Variants in LIN9 observed in about 807,000 individuals in gnomAD.
The protein encoded by LIN9 is protein lin-9 homolog.
A neutral mutation model predicts 78.0 loss-of-function variants in LIN9; 18 were observed. The observed-to-expected ratio is 0.23, with a 90% CI of 0.16 to 0.34. LIN9 has a LOEUF of 0.34. LIN9 is among the 10% of genes least tolerant of loss of function. LIN9 has a pLI of 1.00. For missense variants in LIN9, 451 were observed against 644.1 expected, an observed-to-expected ratio of 0.70 and a Z score of 3.25; for synonymous variants, 192 against 215.2, an observed-to-expected ratio of 0.89 and a Z score of 0.94.
At chr1:226,235,294 C>G (rs943860568) in intron 12 of LIN9, among the ~76,000 whole-genome samples, 1 of 127,910 alleles carries the variant, frequency 7.8e-6, no homozygotes, top group African/African-American at 2.9e-5. Context: ...TGTACTCCAG[C>G]CTGGTGGACA....
intron 7 of LIN9, among the ~76,000 whole-genome samples, chr1:226,271,496 G>A (rs1428426583): frequency 6.6e-6 from 1 of 152,112 alleles, no homozygotes; most frequent in African/African-American, 2.4e-5. Flanking sequence ...TTTTTAATGG[G>A]CCAGTATATG....
intron 7 of LIN9, among the ~76,000 whole-genome samples, chr1:226,268,647 C>T (rs1318286006): frequency 6.6e-6 from 1 of 152,150 alleles, no homozygotes; most frequent in Non-Finnish European, 1.5e-5. Flanking sequence ...CACCTGCTTT[C>T]CCTCTGGAAG....
chr1:226,265,550 C>T lies in LIN9; in HGVS notation c.1021G>A (p.Glu341Lys). 1 of 1,605,750 alleles carries T rather than the reference C, an allele frequency of 6.2e-7. No individual in the cohort carries two copies. The highest frequency in any genetic ancestry group is 2.2e-5 in the East Asian group (1 of 44,770). Residue 341 changes from glutamate (E) to lysine (K), a missense_variant, in exon 10 of 15, where the codon GAA becomes AAA. By Grantham distance (56) the Glu-to-Lys change is moderately conservative. Coordinates refer to ENST00000681046, the MANE Select transcript of LIN9 (RefSeq NM_001366245.2). The surrounding 1 kb of genome is among the most constrained non-coding windows in gnomAD (Gnocchi z 4.1). Reference protein sequence around the residue: ...DTETLGGFPVEFLIQVTRLSK... With the variant: ...DTETLGGFPVKFLIQVTRLSK... The stretch of plus-strand genomic sequence containing the variant: ...ATTCTTACCACTTGGATAAGAAATT[C>T]TACTGGAAAACCACCTAATGTTTCA...
rs1293508133 is a variant in LIN9, at chr1:226,262,519, A to G, written c.1038+3014T>C. ...GAAGATATACAGATGGCAGATAAGC[A>G]TATGAAAAGATGGTCAATGAGGAAA... On this transcript the variant is annotated intron_variant, in intron 10 of 14. Coordinates refer to ENST00000681046, the MANE Select transcript of LIN9 (RefSeq NM_001366245.2). 2.0e-5 allele frequency among the ~76,000 whole-genome samples: 3 copies of G among 152,240 alleles called. No homozygotes were observed. The East Asian group carries it at 5.8e-4, about 29-fold the overall frequency.
chr1:226,287,893 A>C, intron 4 of LIN9, 96 bp from the exon 5 acceptor site: 1 of 827,824 alleles, frequency 1.2e-6, no homozygotes, highest in Non-Finnish European at 1.9e-6. Flanking sequence ...AATTATGTTT[A>C]AGTACTTAAA....
intron 1 of LIN9, 47 bp from the exon 2 acceptor site, chr1:226,301,252 TGAGA>T (rs1232162828): frequency 6.7e-7 from 1 of 1,484,186 alleles, no homozygotes; most frequent in South Asian, 1.2e-5. Flanking sequence ...ATAACCAAAG[TGAGA>T]GAAAAAGACC....
chr1:226,231,229 A>G lies in LIN9; in HGVS notation c.*1272T>C, dbSNP rs910666506. 1.3e-5 allele frequency: 2 copies of G among 152,654 alleles called. No individual in the cohort carries two copies. The highest frequency in any genetic ancestry group is 2.9e-5 in the Non-Finnish European group (2 of 68,028). 9.5% of individuals were successfully genotyped at this position (152,654 alleles called of 1,614,324 possible). A position where few individuals can be genotyped will look rare whatever the true frequency, so the allele number is the denominator to read the frequency against. ...AAGATTTATGCATTTCTTAATTAAC[A>G]TAACAGTTTAGCTAAATATAAACTC... On this transcript the variant is annotated 3_prime_UTR_variant, in exon 15 of 15. Transcript: ENST00000681046.
At chr1:226,286,214 T>C (rs1406559541) in intron 6 of LIN9, 119 bp downstream of exon 6, 4 of 1,019,446 alleles carry the variant, frequency 3.9e-6, no homozygotes, top group Admixed American at 2.7e-5. Flanking sequence ...ACTACAGCCC[T>C]GAACCCCTGG....
At chr1:226,274,622 A>T (rs1385179062) in intron 7 of LIN9, among the ~76,000 whole-genome samples, 1 of 151,464 alleles carries the variant, frequency 6.6e-6, no homozygotes, top group African/African-American at 2.4e-5. Flanking sequence ...CACATATGTT[A>T]TCTTGCTTAA....
intron 8 of LIN9, among the ~76,000 whole-genome samples, chr1:226,267,318 A>ATATGTATGTATGTATGTATGTATGTATG (rs139272484): frequency 3.5e-4 from 50 of 140,902 alleles, no homozygotes; most frequent in African/African-American, 9.8e-4. Flanking sequence ...TATTATGTAT[A>ATATGTATGTATGTATGTATGTATGTATG]TATGTATGTA....
At chr1:226,287,985 T>A (rs530771120) in intron 4 of LIN9, among the ~76,000 whole-genome samples, 188 bp from the exon 5 acceptor site, 2 of 152,268 alleles carry the variant, frequency 1.3e-5, no homozygotes, top group Admixed American at 1.3e-4. Flanking sequence ...TATTGCCTTT[T>A]TTTTTTTTGA....
intron 7 of LIN9, among the ~76,000 whole-genome samples, chr1:226,275,252 G>T (rs72762695): frequency 0.21 from 31,993 of 152,032 alleles, 3,795 homozygotes; most frequent in South Asian, 0.33. Flanking sequence ...TTATTCTTTT[G>T]ATTTTTTTCA....
intron 6 of LIN9, among the ~76,000 whole-genome samples, chr1:226,285,033 GAAAAAAGACTTC>G: frequency 6.6e-6 from 1 of 151,866 alleles, no homozygotes; most frequent in Non-Finnish European, 1.5e-5. Flanking sequence ...ACATTTTATT[GAAAAAAGACTTC>G]AACTATTAAT....
At chr1:226,300,264 T>C (rs1319801374) in intron 2 of LIN9, among the ~76,000 whole-genome samples, 1 of 152,002 alleles carries the variant, frequency 6.6e-6, no homozygotes, top group African/African-American at 2.4e-5. Flanking sequence ...AAATAAGCTA[T>C]TACGGGCCAG....
chr1:226,297,079 C>G (rs962731952), intron 3 of LIN9, among the ~76,000 whole-genome samples: 5 of 152,262 alleles, frequency 3.3e-5, no homozygotes, highest in Non-Finnish European at 5.9e-5. Context: ...ACACTGCCCC[C>G]CTTCCCTGAC....
At chr1:226,281,372 G>C (rs955837991) in intron 6 of LIN9, among the ~76,000 whole-genome samples, 1 of 151,884 alleles carries the variant, frequency 6.6e-6, no homozygotes, top group African/African-American at 2.4e-5. Context: ...GAGATAGAAG[G>C]AATAAGTTCT....
chr1:226,241,032 C>G (rs1658074264), intron 11 of LIN9, among the ~76,000 whole-genome samples: 1 of 152,106 alleles, frequency 6.6e-6, no homozygotes, highest in South Asian at 2.1e-4. Context: ...TACTATAGAT[C>G]TGAAGCAGTA....
chr1:226,249,437 G>A (rs1658689134), intron 11 of LIN9, among the ~76,000 whole-genome samples: 1 of 152,160 alleles, frequency 6.6e-6, no homozygotes, highest in African/African-American at 2.4e-5. Flanking sequence ...TACCTGTACT[G>A]CTAAAGAGAG....
At chr1:226,253,896 C>G (rs1028786678) in intron 10 of LIN9, among the ~76,000 whole-genome samples, 1 of 151,934 alleles carries the variant, frequency 6.6e-6, no homozygotes, top group Non-Finnish European at 1.5e-5. Context: ...GCCTGGGCAA[C>G]AGAGTAAGAT....
Sources: allele counts gnomAD v4.1 joint callset (sites outside exome capture counted in the v4.1 genomes callset), GRCh38; gene constraint gnomAD v4.1.1; non-coding constraint Gnocchi (gnomAD v3.1); transcripts MANE v1.5; gene names NCBI Gene and HGNC (gene_info 2026-07-23, HGNC 2026-07-21).